COL13A1: variants seen among roughly 807,000 people sequenced by gnomAD.
COL13A1 encodes collagen alpha-1(XIII) chain.
Under a neutral mutation model 130.9 loss-of-function variants are expected in COL13A1, and 89 were observed. That is an observed-to-expected ratio of 0.68 (90% CI 0.57 to 0.81). COL13A1 has a LOEUF of 0.81. Among genes scored for constraint, COL13A1 ranks in the 30% least tolerant of loss-of-function variants. COL13A1 has a pLI of 0.00. For synonymous variants in COL13A1, 402 were observed against 341.6 expected, an observed-to-expected ratio of 1.18 and a Z score of -1.95; for missense variants, 879 against 934.6, an observed-to-expected ratio of 0.94 and a Z score of 0.78.
intron 7 of COL13A1, among the ~76,000 whole-genome samples, chr10:69,885,928 A>C (rs2060556862): frequency 6.6e-6 from 1 of 151,482 alleles, no homozygotes; most frequent in South Asian, 2.1e-4. Context: ...ACTTCAACTC[A>C]CTCCCTGTTG....
intron 2 of COL13A1, among the ~76,000 whole-genome samples, chr10:69,859,107 C>T (rs1857256647): frequency 6.6e-6 from 1 of 152,194 alleles, no homozygotes; most frequent in African/African-American, 2.4e-5. Context: ...GACAATAGCA[C>T]ACCTTGTATA....
chr10:69,928,880 A>G, intron 27 of COL13A1, 57 bp from the exon 28 acceptor site: 1 of 1,381,034 alleles, frequency 7.2e-7, no homozygotes, highest in Non-Finnish European at 1.0e-6. Context: ...CCCTCAGGGC[A>G]CAGGCTACCC....
intron 17 of COL13A1, among the ~76,000 whole-genome samples, chr10:69,908,590 G>T (rs1469871728): frequency 1.3e-5 from 2 of 152,214 alleles, no homozygotes; most frequent in Non-Finnish European, 2.9e-5. Flanking sequence ...TCCAGAAGGG[G>T]CATGGGGTCT....
intron 2 of COL13A1, among the ~76,000 whole-genome samples, chr10:69,859,998 T>A (rs4468240): frequency 1.3e-5 from 2 of 152,014 alleles, no homozygotes; most frequent in African/African-American, 2.4e-5. Context: ...AGCTTGCTTC[T>A]GAGTAGAGAC....
In COL13A1 at chr10:69,880,810, C is replaced by G. The variant is rs77285417; in HGVS notation, c.513+257C>G. ...CTGCCCTCTAGCCACGAAACTACAG[C>G]AGCTGCAAGGCGGCCCTGCTGTTTA... On this transcript the variant is annotated intron_variant, in intron 7 of 40. Transcript: ENST00000645393. Among the ~76,000 whole-genome samples, 217 of 152,362 alleles carry G rather than the reference C, an allele frequency of 1.4e-3. 3 individuals carry two copies. The highest frequency in any genetic ancestry group is 5.1e-3 in the African/African-American group (214 of 41,580).
At chr10:69,859,754 C>A (rs1394216183) in intron 2 of COL13A1, among the ~76,000 whole-genome samples, 2 of 152,242 alleles carry the variant, frequency 1.3e-5, no homozygotes, top group Non-Finnish European at 2.9e-5. Flanking sequence ...GAGCCACAGG[C>A]AGGGGAGCTG....
chr10:69,930,223 G>A, intron 29 of COL13A1, 136 bp downstream of exon 29: 4 of 1,073,048 alleles, frequency 3.7e-6, no homozygotes, highest in East Asian at 5.2e-5. Flanking sequence ...GGGGGGGCAG[G>A]GAGAGGGGCC....
At chr10:69,854,959 C>T (rs1032412346) in intron 2 of COL13A1, among the ~76,000 whole-genome samples, 2 of 152,170 alleles carry the variant, frequency 1.3e-5, no homozygotes, top group African/African-American at 4.8e-5. Flanking sequence ...GCTCCCCGTT[C>T]TCCAGGCTGT....
rs2064750694 is a variant in COL13A1 at position 69,922,009 on chromosome 10, C to T, written c.1143+74C>T. 2.7e-6 allele frequency: 4 copies of T among 1,497,142 alleles called. No homozygotes were observed. The South Asian group carries it at 3.9e-5, about 15-fold the overall frequency. 92.7% of individuals were successfully genotyped at this position (1,497,142 alleles called of 1,614,324 possible). The stretch of plus-strand genomic sequence containing the variant: ...CCATACCTGGCCCTGCACATCCACA[C>T]AGGCCCCAGCATTGGACGTGTCTGT... On this transcript the variant is annotated intron_variant, in intron 22 of 40. Coordinates refer to ENST00000645393, the MANE Select transcript of COL13A1 (RefSeq NM_001368882.1).
intron 17 of COL13A1, among the ~76,000 whole-genome samples, chr10:69,907,823 C>T (rs1462763342): frequency 6.6e-6 from 1 of 152,248 alleles, no homozygotes; most frequent in East Asian, 1.9e-4. Flanking sequence ...CAATAACTAA[C>T]CCGTGATAAC....
intron 5 of COL13A1, among the ~76,000 whole-genome samples, chr10:69,876,440 T>C (rs2059576965): frequency 6.6e-6 from 1 of 152,172 alleles, no homozygotes; most frequent in Admixed American, 6.5e-5. Flanking sequence ...GGACAAGTGT[T>C]CCATGTCACA....
chr10:69,866,280 C>G (rs1374454762), intron 2 of COL13A1, among the ~76,000 whole-genome samples: 1 of 152,200 alleles, frequency 6.6e-6, no homozygotes, highest in African/African-American at 2.4e-5. Flanking sequence ...TCTCAGAGCT[C>G]TAGCCTGTGT....
At chr10:69,956,932 T>C in intron 39 of COL13A1, 72 bp from the exon 40 acceptor site, 1 of 1,253,420 alleles carries the variant, frequency 8.0e-7, no homozygotes, top group Non-Finnish European at 1.2e-6. Context: ...GTGGCCCTTG[T>C]TACCCCTGTC....
At chr10:69,930,161 G>T (rs529841626) in intron 29 of COL13A1, 74 bp downstream of exon 29, 7 of 1,510,308 alleles carry the variant, frequency 4.6e-6, no homozygotes, top group East Asian at 2.3e-5. Context: ...GGGCAGGAAG[G>T]CTCTAGAATT....
intron 22 of COL13A1, among the ~76,000 whole-genome samples, 183 bp from the exon 23 acceptor site, chr10:69,922,525 T>C (rs1224292507): frequency 1.3e-5 from 2 of 152,220 alleles, no homozygotes; most frequent in African/African-American, 4.8e-5. Flanking sequence ...GCTCTAAACC[T>C]GCTGCCCTTC....
intron 37 of COL13A1, 111 bp downstream of exon 37, chr10:69,945,835 G>A (rs545545844): frequency 1.1e-4 from 139 of 1,316,362 alleles, no homozygotes; most frequent in Non-Finnish European, 1.4e-4. Context: ...CACTTTGGGA[G>A]GCCGAGGCGG....
intron 29 of COL13A1, 27 bp downstream of exon 29, chr10:69,930,114 C>A: frequency 1.2e-6 from 2 of 1,612,124 alleles, no homozygotes; most frequent in Non-Finnish European, 1.7e-6. Context: ...TCTGGTCAAA[C>A]CTCTGAAGAC....
intron 12 of COL13A1, among the ~76,000 whole-genome samples, chr10:69,894,982 C>G (rs2061504249): frequency 6.6e-6 from 1 of 152,166 alleles, no homozygotes; most frequent in African/African-American, 2.4e-5. Flanking sequence ...TCCCAGCTGT[C>G]ACTCCATGGT....
chr10:69,862,325 A>G lies in COL13A1; in HGVS notation c.365-5473A>G, dbSNP rs1475354786. On this transcript the variant is annotated intron_variant, in intron 2 of 40. Transcript: ENST00000645393. ...GAGTTGGGTTGTGGTGAACTGTGAT[A>G]TAAGGAAGTGCTTTATCAGTCACAA... Among the ~76,000 whole-genome samples the G allele has an allele frequency of 2.0e-5, 3 of 152,308 alleles. No individual in the cohort carries two copies. In the East Asian group the frequency reaches 5.8e-4, roughly 29 times the overall value.
Sources: allele counts gnomAD v4.1 joint callset (sites outside exome capture counted in the v4.1 genomes callset), GRCh38; gene constraint gnomAD v4.1.1; transcripts MANE v1.5; gene names NCBI Gene and HGNC (gene_info 2026-07-23, HGNC 2026-07-21).